Variants in ACVR2B observed in about 807,000 individuals in gnomAD.
The protein encoded by ACVR2B is activin A receptor type 2B, also known as activin receptor type-2B.
ACVR2B carries 18 observed loss-of-function variants against 65.1 expected under a neutral mutation model. The ratio of observed to expected loss-of-function variants is 0.28; its 90% CI spans 0.19 to 0.41. The LOEUF (loss-of-function observed/expected upper bound fraction) is 0.41, where lower values mean the gene tolerates loss of function less well. ACVR2B is among the 10% of genes least tolerant of loss of function. The pLI, the probability that ACVR2B is intolerant of heterozygous loss-of-function variation, is 1.00. For missense variants in ACVR2B, 482 were observed against 682.7 expected (o/e 0.71, Z 3.28); for synonymous variants, 298 against 277.7 (o/e 1.07, Z -0.73).
At position 38,477,492 on chromosome 3, in the gene ACVR2B, T is replaced by C; in HGVS notation, c.258T>C (p.Asp86=). 6.2e-7 allele frequency: 1 copy of C among 1,613,836 alleles called. No individual in the cohort carries two copies. The highest frequency in any genetic ancestry group is 8.5e-7 in the Non-Finnish European group (1 of 1,179,884). The change falls in exon 2 of 11, where the codon GAT becomes GAC. Residue 86 remains aspartate, a splice_region_variant and synonymous_variant. Coordinates refer to ENST00000352511, the MANE Select transcript of ACVR2B (RefSeq NM_001106.4). This position sits in a 1 kb window ranked among gnomAD's most constrained non-coding sequence, Gnocchi z 6.7. The part of the protein sequence containing the change: ...GCWLDDFNCY[D]RQECVATEEN... ...GGCTAGATGACTTCAACTGCTACGA[T>C]AGGTACCCCAAGACTTGCCCTCCTT...
chr3:38,463,350 C>G (rs959787056), intron 1 of ACVR2B, among the ~76,000 whole-genome samples: 1 of 152,208 alleles, frequency 6.6e-6, no homozygotes, highest in African/African-American at 2.4e-5. Context: ...GTGACAAATT[C>G]TGATTTCATA....
intron 1 of ACVR2B, among the ~76,000 whole-genome samples, chr3:38,472,480 G>C (rs1372151681): frequency 1.3e-5 from 2 of 152,172 alleles, no homozygotes; most frequent in African/African-American, 4.8e-5. Flanking sequence ...CTGGCAGGGT[G>C]TGCCTCAGTG....
At chr3:38,468,378 G>A (rs1346588179) in intron 1 of ACVR2B, among the ~76,000 whole-genome samples, 1 of 152,112 alleles carries the variant, frequency 6.6e-6, no homozygotes, top group African/African-American at 2.4e-5. Context: ...AAGTCAAGGG[G>A]GTTGAGAACT....
rs1710159177 is a variant in ACVR2B, at chr3:38,488,470, G to A, written c.*5138G>A. On this transcript the variant is annotated 3_prime_UTR_variant, in exon 11 of 11. Transcript: ENST00000352511. ...AGTAACATTTTTTAAAACAATTGGT[G>A]GCTCCAAAAGGCCTGCCAACAAAGA... The A allele has an allele frequency of 6.6e-6, 1 of 152,060 alleles. No individual in the cohort carries two copies. Among genetic ancestry groups the A allele is most frequent in the South Asian group, 2.1e-4 (1 of 4,818 alleles). The allele number at this position is 152,060 out of a possible 1,614,324, so 9.4% of individuals were successfully genotyped here. A position where few individuals can be genotyped will look rare whatever the true frequency, so the allele number is the denominator to read the frequency against.
At chr3:38,480,676 C>T (rs1237637521) in intron 7 of ACVR2B, among the ~76,000 whole-genome samples, 6 of 152,114 alleles carry the variant, frequency 3.9e-5, no homozygotes, top group Non-Finnish European at 5.9e-5. Context: ...ATGAAATTGC[C>T]GTTTTTATAG....
intron 8 of ACVR2B, 46 bp from the exon 9 acceptor site, chr3:38,482,152 G>A (rs373893017): frequency 2.5e-6 from 4 of 1,613,544 alleles, no homozygotes; most frequent in East Asian, 2.2e-5. Context: ...AGCTGTGTGT[G>A]TATGGCCAGT....
At position 38,477,760 on chromosome 3, in the gene ACVR2B, C is replaced by A; in HGVS notation, c.261-101C>A. 7.9e-7 allele frequency: 1 copy of A among 1,261,456 alleles called. No individual in the cohort carries two copies. The highest frequency in any genetic ancestry group is 1.2e-6 in the Non-Finnish European group (1 of 858,428). The allele number at this position is 1,261,456 out of a possible 1,614,324, so 78.1% of individuals were successfully genotyped here. On this transcript the variant is annotated intron_variant, in intron 2 of 10. Transcript: ENST00000352511. The surrounding 1 kb of genome is among the most constrained non-coding windows in gnomAD (Gnocchi z 6.7). ...AGTTCACACCGTCCCCCTGGTGTTG[C>A]CCATGAGGTGCTCTGTCTGTGAGGA...
Position 38,483,359 on chromosome 3 carries a change from C to T in ACVR2B, c.*27C>T. Reference sequence around the variant, plus strand: ...CCCAGGACATGAGTGTCTGTCCAGACTCAGTGGATCTGAAGAAAAAAGGAA... The same window carrying T: ...CCCAGGACATGAGTGTCTGTCCAGATTCAGTGGATCTGAAGAAAAAAGGAA... On this transcript the variant is annotated 3_prime_UTR_variant, in exon 11 of 11. Transcript: ENST00000352511. This position sits in a 1 kb window ranked among gnomAD's most constrained non-coding sequence, Gnocchi z 4.8. 2 of 1,612,446 alleles carry T rather than the reference C, an allele frequency of 1.2e-6. No individual in the cohort carries two copies. Among genetic ancestry groups the T allele is most frequent in the Non-Finnish European group, 1.7e-6 (2 of 1,178,696 alleles).
At chr3:38,480,867 G>A (rs999430742) in intron 7 of ACVR2B, among the ~76,000 whole-genome samples, 1 of 152,182 alleles carries the variant, frequency 6.6e-6, no homozygotes. Context: ...GGTGGAGCTG[G>A]GTGCATGCAA....
intron 7 of ACVR2B, among the ~76,000 whole-genome samples, chr3:38,480,852 T>C (rs1229610966): frequency 4.6e-5 from 7 of 152,194 alleles, no homozygotes; most frequent in Admixed American, 4.6e-4. Flanking sequence ...CTTTGCTTAG[T>C]TAGAGGTGGA....
At chr3:38,472,975 C>T (rs1306187376) in intron 1 of ACVR2B, among the ~76,000 whole-genome samples, 1 of 152,178 alleles carries the variant, frequency 6.6e-6, no homozygotes, top group South Asian at 2.1e-4. Flanking sequence ...GGCTTAGGTT[C>T]TGCTACCAGG....
chr3:38,481,414 C>T lies in ACVR2B; in HGVS notation c.1023C>T (p.Gly341=). ...TCACAGCCGTGCTGGCTGACTTTGG[C>T]TTGGCTGTTCGATTTGAGCCAGGGA... ...SDLTAVLADF[G]LAVRFEPGKP... Residue 341 remains glycine (G), a synonymous_variant, in exon 8 of 11, where the codon GGC becomes GGT. Coordinates refer to ENST00000352511, the MANE Select transcript of ACVR2B (RefSeq NM_001106.4). The surrounding 1 kb of genome is among the most constrained non-coding windows in gnomAD (Gnocchi z 4.7). 2.5e-6 allele frequency: 4 copies of T among 1,614,218 alleles called. No individual in the cohort carries two copies. The highest frequency in any genetic ancestry group is 1.1e-5 in the South Asian group (1 of 91,090).
chr3:38,461,400 G>A (rs1302663575), intron 1 of ACVR2B, among the ~76,000 whole-genome samples: 1 of 152,210 alleles, frequency 6.6e-6, no homozygotes, highest in African/African-American at 2.4e-5. Flanking sequence ...TCTCTGTGTA[G>A]TGAGGGCATA....
chr3:38,477,959 G>A lies in ACVR2B; in HGVS notation c.359G>A (p.Gly120Glu). 6.2e-7 allele frequency: 1 copy of A among 1,614,068 alleles called. No individual in the cohort carries two copies. Among genetic ancestry groups the A allele is most frequent in the Non-Finnish European group, 8.5e-7 (1 of 1,179,994 alleles). The change falls in exon 3 of 11, where the codon GGG becomes GAG. Residue 120 changes from glycine to glutamate, a missense_variant. Physicochemically the swap from Gly to Glu is moderately conservative, Grantham distance 98. Coordinates refer to ENST00000352511, the MANE Select transcript of ACVR2B (RefSeq NM_001106.4). The surrounding 1 kb of genome is among the most constrained non-coding windows in gnomAD (Gnocchi z 6.7). Reference sequence around the variant, plus strand: ...CGCTTCACTCATTTGCCAGAGGCTGGGGGCCCGGAAGGTAAGGGGGCAGTG... The same window carrying A: ...CGCTTCACTCATTTGCCAGAGGCTGAGGGCCCGGAAGGTAAGGGGGCAGTG... ...NERFTHLPEA[G>E]GPEVTYEPPP...
At chr3:38,459,990 C>G in intron 1 of ACVR2B, among the ~76,000 whole-genome samples, 1 of 152,178 alleles carries the variant, frequency 6.6e-6, no homozygotes, top group East Asian at 1.9e-4. Flanking sequence ...CTCAGTGAGA[C>G]ACAGTTTGCT....
Position 38,486,429 on chromosome 3 carries a change from G to A in ACVR2B, c.*3097G>A, listed in dbSNP as rs753247709. On this transcript the variant is annotated 3_prime_UTR_variant, in exon 11 of 11. Coordinates refer to ENST00000352511, the MANE Select transcript of ACVR2B (RefSeq NM_001106.4). ...TTTTGCCCCGGGTAAATGCTTGTCT[G>A]TTTGCTGTCATGTGTTCTTTGAGGA... The A allele has an allele frequency of 6.6e-6, 1 of 152,302 alleles. No individual in the cohort carries two copies. Among genetic ancestry groups the A allele is most frequent in the Non-Finnish European group, 1.5e-5 (1 of 68,134 alleles). 9.4% of individuals were successfully genotyped at this position (152,302 alleles called of 1,614,324 possible).
At position 38,483,083 on chromosome 3, in the gene ACVR2B, C is replaced by T; in HGVS notation, c.1345-55C>T. ...AAGTTTACTGTCCCCCAAAGCTTTT[C>T]CTCACTGAAGGGTCCTAACAAAGGT... On this transcript the variant is annotated intron_variant, in intron 10 of 10. Coordinates refer to ENST00000352511, the MANE Select transcript of ACVR2B (RefSeq NM_001106.4). The surrounding 1 kb of genome is among the most constrained non-coding windows in gnomAD (Gnocchi z 4.8). 6.2e-7 allele frequency: 1 copy of T among 1,601,410 alleles called. No individual in the cohort carries two copies. Among genetic ancestry groups the T allele is most frequent in the Non-Finnish European group, 8.6e-7 (1 of 1,168,940 alleles).
intron 1 of ACVR2B, among the ~76,000 whole-genome samples, chr3:38,466,041 A>T (rs1476807398): frequency 1.3e-5 from 2 of 152,236 alleles, no homozygotes; most frequent in East Asian, 3.8e-4. Context: ...GTCAGCCTAA[A>T]ATTCTGTATC....
chr3:38,455,263 C>T (rs1395404431), intron 1 of ACVR2B, among the ~76,000 whole-genome samples: 1 of 152,078 alleles, frequency 6.6e-6, no homozygotes, highest in African/African-American at 2.4e-5. Context: ...GTGCGCCTAA[C>T]CCCGGCGGGC....
Sources: gnomAD v4.1 joint callset for allele counts (sites outside exome capture counted in the v4.1 genomes callset) on GRCh38, gnomAD v4.1.1 for gene constraint, Gnocchi (gnomAD v3.1) non-coding constraint, MANE v1.5 for transcripts, NCBI Gene and HGNC (gene_info 2026-07-23, HGNC 2026-07-21) for gene names.